Variants in ACOT7 observed in about 807,000 individuals in gnomAD.
ACOT7 encodes the protein cytosolic acyl coenzyme A thioester hydrolase.
In ACOT7, 12 loss-of-function variants were observed where a neutral mutation model predicts 40.2. That is an observed-to-expected ratio of 0.30 (90% CI 0.19 to 0.48). The LOEUF is 0.48. Among genes scored for constraint, ACOT7 ranks in the 20% least tolerant of loss-of-function variants. ACOT7 has a pLI of 0.99. For missense variants in ACOT7, 395 were observed against 530.8 expected, an observed-to-expected ratio of 0.74 and a Z score of 2.51; for synonymous variants, 228 against 219.5, an observed-to-expected ratio of 1.04 and a Z score of -0.34.
Position 6,311,430 on chromosome 1 carries a change from A to G in ACOT7, c.712+7062T>C, listed in dbSNP as rs1367087440. On this transcript the variant is annotated intron_variant, in intron 6 of 8. Transcript: ENST00000361521. The surrounding 1 kb of genome is among the most constrained non-coding windows in gnomAD (Gnocchi z 5.2). ...GAGAGAGACAGGCTGATGTACCACA[A>G]AGGTGCGGTGTTGGGGGTGCCAGCC... is the stretch of plus-strand genomic sequence containing the variant. Among the ~76,000 whole-genome samples, 1 of 152,128 alleles carries G rather than the reference A, an allele frequency of 6.6e-6. No homozygotes were observed. Among genetic ancestry groups the G allele is most frequent in the East Asian group, 1.9e-4 (1 of 5,184 alleles).
At chr1:6,354,951 T>C (rs1024530788) in intron 1 of ACOT7, among the ~76,000 whole-genome samples, 2 of 151,640 alleles carry the variant, frequency 1.3e-5, no homozygotes, top group African/African-American at 4.9e-5. Flanking sequence ...GTCACTCCCT[T>C]ATCCATACCT....
intron 1 of ACOT7, among the ~76,000 whole-genome samples, 169 bp from the exon 2 acceptor site, chr1:6,350,035 TG>T (rs919682311): frequency 3.9e-5 from 6 of 152,094 alleles, no homozygotes; most frequent in Non-Finnish European, 8.8e-5. Flanking sequence ...CAGGGTGGGG[TG>T]CCACCTGCTA....
At chr1:6,323,915 T>C (rs1640729357) in intron 5 of ACOT7, among the ~76,000 whole-genome samples, 1 of 151,604 alleles carries the variant, frequency 6.6e-6, no homozygotes, top group Non-Finnish European at 1.5e-5. Flanking sequence ...GGATGTGGGA[T>C]GGACAGGGGC....
At chr1:6,309,412 T>C (rs1197176962) in intron 6 of ACOT7, among the ~76,000 whole-genome samples, 1 of 152,184 alleles carries the variant, frequency 6.6e-6, no homozygotes, top group Non-Finnish European at 1.5e-5. Context: ...AAAGTCGGCC[T>C]GCTCCTGCCC....
intron 1 of ACOT7, among the ~76,000 whole-genome samples, chr1:6,382,957 C>T (rs989395132): frequency 1.3e-5 from 2 of 151,598 alleles, no homozygotes; most frequent in Admixed American, 6.6e-5. Flanking sequence ...TGGATCACTG[C>T]AACCTCCGCC....
chr1:6,371,052 A>C (rs1047363987), intron 1 of ACOT7, among the ~76,000 whole-genome samples: 1 of 151,898 alleles, frequency 6.6e-6, no homozygotes, highest in East Asian at 2.0e-4. Context: ...CTCGTGATCC[A>C]CTTGCCTCAG....
intron 1 of ACOT7, among the ~76,000 whole-genome samples, chr1:6,354,373 G>T (rs1641680007): frequency 6.6e-6 from 1 of 152,258 alleles, no homozygotes; most frequent in Non-Finnish European, 1.5e-5. Flanking sequence ...AATGTTCGGG[G>T]CCCAAGGCCA....
rs1639913320 is a variant in ACOT7 at position 6,299,673 on chromosome 1, TGTGTGTGTGTGTGTGTGTAGGGCAC to T, written c.713-4718_713-4694del. Among the ~76,000 whole-genome samples, 1 of 152,164 alleles carries T rather than the reference TGTGTGTGTGTGTGTGTGTAGGGCAC, an allele frequency of 6.6e-6. No homozygotes were observed. The highest frequency in any genetic ancestry group is 2.4e-5 in the African/African-American group (1 of 41,512). On this transcript the variant is annotated intron_variant, in intron 6 of 8. Transcript: ENST00000361521. The surrounding 1 kb of genome is among the most constrained non-coding windows in gnomAD (Gnocchi z 4.1). The stretch of plus-strand genomic sequence containing the variant: ...GAGAGAGAGAGAGCGCAAGTGTGTG[TGTGTGTGTGTGTGTGTGTAGGGCAC>T]GTGTGTGCGTGTGTTTAAGGGGCTT...
chr1:6,285,616 C>G (rs1436498063), intron 7 of ACOT7, among the ~76,000 whole-genome samples: 2 of 152,238 alleles, frequency 1.3e-5, no homozygotes, highest in Non-Finnish European at 2.9e-5. Context: ...GTCCCTCCAC[C>G]AAATGTGGAG....
Position 6,299,665 on chromosome 1 carries a change from A to AGTGT in ACOT7, c.713-4689_713-4686dup, listed in dbSNP as rs3838286. On this transcript the variant is annotated intron_variant, in intron 6 of 8. Transcript: ENST00000361521. The surrounding 1 kb of genome is among the most constrained non-coding windows in gnomAD (Gnocchi z 4.1). ...CAGAGAGAGAGAGAGAGAGAGCGCAAGTGTGTGTGTGTGTGTGTGTGTGTG... is the reference window on the plus strand; with the variant it reads ...CAGAGAGAGAGAGAGAGAGAGCGCAAGTGTGTGTGTGTGTGTGTGTGTGTGTGTG... 0.095 allele frequency among the ~76,000 whole-genome samples: 14,121 copies of AGTGT among 148,490 alleles called. 761 individuals carry two copies. Among genetic ancestry groups the AGTGT allele is most frequent in the Non-Finnish European group, 0.13 (8,683 of 66,814 alleles).
chr1:6,325,045 C>G (rs185711353), intron 5 of ACOT7, among the ~76,000 whole-genome samples: 54 of 152,334 alleles, frequency 3.5e-4, no homozygotes, highest in Non-Finnish European at 7.5e-4. Flanking sequence ...CCAGCACGTG[C>G]CTCCAGGCCT....
intron 6 of ACOT7, among the ~76,000 whole-genome samples, chr1:6,317,505 A>C (rs138923443): frequency 1.6e-3 from 244 of 152,308 alleles, no homozygotes; most frequent in Non-Finnish European, 2.9e-3. Flanking sequence ...GGAAAAAATA[A>C]ATGCAAACAT....
intron 1 of ACOT7, among the ~76,000 whole-genome samples, chr1:6,354,369 C>T (rs776815884): frequency 9.2e-5 from 14 of 151,956 alleles, no homozygotes; most frequent in Non-Finnish European, 1.9e-4. Flanking sequence ...AGGGAATGTT[C>T]GGGGCCCAAG....
chr1:6,361,871 C>T (rs1383763627), intron 1 of ACOT7, among the ~76,000 whole-genome samples: 2 of 152,180 alleles, frequency 1.3e-5, no homozygotes. Flanking sequence ...TACATAAGCA[C>T]TGGCCATGTG....
Position 6,294,626 on chromosome 1 carries a change from C to A in ACOT7, c.829+238G>T, listed in dbSNP as rs866470232. Among the ~76,000 whole-genome samples the A allele has an allele frequency of 6.6e-6, 1 of 152,228 alleles. No individual in the cohort carries two copies. The highest frequency in any genetic ancestry group is 6.5e-5 in the Admixed American group (1 of 15,288). ...AGCGTTTTCAGAGGGTGAGTTTAGG[C>A]AGGTCTTTAGGAGGATAATGGCCCC... is the stretch of plus-strand genomic sequence containing the variant. On this transcript the variant is annotated intron_variant, in intron 7 of 8. Transcript: ENST00000361521. This position sits in a 1 kb window ranked among gnomAD's most constrained non-coding sequence, Gnocchi z 4.6.
In ACOT7 at chr1:6,299,640, CAGAGAGAGAG is replaced by C. The variant is rs57181755; in HGVS notation, c.713-4670_713-4661del. Among the ~76,000 whole-genome samples the C allele has an allele frequency of 2.7e-5, 4 of 148,282 alleles. No individual in the cohort carries two copies. Among genetic ancestry groups the C allele is most frequent in the African/African-American group, 9.8e-5 (4 of 40,644 alleles). On this transcript the variant is annotated intron_variant, in intron 6 of 8. Coordinates refer to ENST00000361521, the MANE Select transcript of ACOT7 (RefSeq NM_007274.4). The surrounding 1 kb of genome is among the most constrained non-coding windows in gnomAD (Gnocchi z 4.1). ...CTGACTAGGTACTAGGTCATGGCTTCAGAGAGAGAGAGAGAGAGAGCGCAAGTGTGTGTGT... is the reference window on the plus strand; with the variant it reads ...CTGACTAGGTACTAGGTCATGGCTTCAGAGAGAGAGCGCAAGTGTGTGTGT...
intron 8 of ACOT7, among the ~76,000 whole-genome samples, chr1:6,279,555 G>C (rs998138341): frequency 6.6e-6 from 1 of 152,244 alleles, no homozygotes; most frequent in African/African-American, 2.4e-5. Flanking sequence ...GTGGGTCACA[G>C]GCATTGTGTT....
In ACOT7 at chr1:6,283,000, C is replaced by T; in HGVS notation, c.830-1714G>A. On this transcript the variant is annotated intron_variant, in intron 7 of 8. Coordinates refer to ENST00000361521, the MANE Select transcript of ACOT7 (RefSeq NM_007274.4). This position sits in a 1 kb window ranked among gnomAD's most constrained non-coding sequence, Gnocchi z 4.5. The stretch of plus-strand genomic sequence containing the variant: ...AATTGTGTATAACACTTGGGAGTCA[C>T]AGGCCAAAAAGCAGGAACAAGCCCT... 2.3e-6 allele frequency: 1 copy of T among 439,106 alleles called. No homozygotes were observed. Among genetic ancestry groups the T allele is most frequent in the Non-Finnish European group, 4.7e-6 (1 of 210,618 alleles). The allele number at this position is 439,106 out of a possible 1,614,324, so 27.2% of individuals were successfully genotyped here.
intron 4 of ACOT7, among the ~76,000 whole-genome samples, chr1:6,329,193 T>C (rs927358181): frequency 1.3e-5 from 2 of 152,232 alleles, no homozygotes; most frequent in African/African-American, 2.4e-5. Context: ...AGCTCCAAAA[T>C]TGTGCAGGGT....
Sources: gnomAD v4.1 joint callset for allele counts (sites outside exome capture counted in the v4.1 genomes callset) on GRCh38, gnomAD v4.1.1 for gene constraint, Gnocchi (gnomAD v3.1) non-coding constraint, MANE v1.5 for transcripts, NCBI Gene and HGNC (gene_info 2026-07-23, HGNC 2026-07-21) for gene names.